IRS1: variants seen among roughly 807,000 people sequenced by gnomAD.
IRS1 encodes insulin receptor substrate 1.
In IRS1, 34 loss-of-function variants were observed where a neutral mutation model predicts 65.6. The observed-to-expected ratio is 0.52, with a 90% CI of 0.39 to 0.69. The LOEUF is 0.69. Among genes scored for constraint, IRS1 ranks in the 30% least tolerant of loss-of-function variants. The pLI is 0.00. For missense variants in IRS1, 1,641 were observed against 1,720.2 expected, an observed-to-expected ratio of 0.95 and a Z score of 0.81; for synonymous variants, 699 against 683.5, an observed-to-expected ratio of 1.02 and a Z score of -0.35.
intron 1 of IRS1, among the ~76,000 whole-genome samples, chr2:226,782,453 T>C (rs563184451): frequency 1.3e-5 from 2 of 152,332 alleles, no homozygotes; most frequent in East Asian, 3.9e-4. Context: ...TCTAGATTTA[T>C]GCTCAGGCAG....
chr2:226,747,443 C>T (rs562526228), intron 1 of IRS1, among the ~76,000 whole-genome samples: 12 of 152,094 alleles, frequency 7.9e-5, no homozygotes, highest in African/African-American at 1.7e-4. Context: ...CAGGAGGCTA[C>T]AATAAGAAGA....
chr2:226,795,408 T>G lies in IRS1; in HGVS notation c.3331A>C (p.Thr1111Pro), dbSNP rs777756375. The G allele has an allele frequency of 1.2e-6, 2 of 1,613,292 alleles. No individual in the cohort carries two copies. Among genetic ancestry groups the G allele is most frequent in the African/African-American group, 2.7e-5 (2 of 75,026 alleles). Residue 1111 changes from threonine (T) to proline (P), a missense_variant, in exon 1 of 2, where the codon ACC becomes CCC. Thr to Pro is a conservative substitution (Grantham distance 38, BLOSUM62 -1). Around this residue, in one of 3 missense-constraint regions of IRS1, gnomAD observed 1,324 missense variants for 1,361.0 expected, o/e 0.97. Coordinates refer to ENST00000305123, the MANE Select transcript of IRS1 (RefSeq NM_005544.3). ...SETFSSTPSA[T>P]RVGNTVPFGA... ...AAGGGCACTGTGTTGCCCACCCGGG[T>G]GGCACTGGGTGTTGAGGAGAAAGTC...
chr2:226,778,754 C>A (rs1249357766), intron 1 of IRS1, among the ~76,000 whole-genome samples: 1 of 152,232 alleles, frequency 6.6e-6, no homozygotes, highest in Non-Finnish European at 1.5e-5. Flanking sequence ...CCCCAGTCTT[C>A]TCTAGGGCTT....
chr2:226,742,821 C>G (rs1334593440), intron 1 of IRS1, among the ~76,000 whole-genome samples: 1 of 151,970 alleles, frequency 6.6e-6, no homozygotes, highest in Non-Finnish European at 1.5e-5. Flanking sequence ...TCCCCAGCTA[C>G]CAAAGGCAGA....
In IRS1 at chr2:226,799,329, T is replaced by C; in HGVS notation, c.-591A>G. 8.1e-7 allele frequency: 1 copy of C among 1,231,256 alleles called. No homozygotes were observed. The allele number at this position is 1,231,256 out of a possible 1,614,324, so 76.3% of individuals were successfully genotyped here. A position where few individuals can be genotyped will look rare whatever the true frequency, so the allele number is the denominator to read the frequency against. On this transcript the variant is annotated 5_prime_UTR_variant, in exon 1 of 2. The change abolishes the stop of an existing upstream ORF in the 5' untranslated region. Coordinates refer to ENST00000305123, the MANE Select transcript of IRS1 (RefSeq NM_005544.3). This position sits in a 1 kb window ranked among gnomAD's most constrained non-coding sequence, Gnocchi z 6.1. ...CGCCACCAGCCGCCCAAATACCAGC[T>C]CAGTCGCAGAGACCGCGGCGCTGCG...
At chr2:226,786,438 A>G (rs1286000250) in intron 1 of IRS1, among the ~76,000 whole-genome samples, 1 of 152,140 alleles carries the variant, frequency 6.6e-6, no homozygotes, top group Admixed American at 6.5e-5. Context: ...TGCCCCTTTA[A>G]GTGCTGAAAT....
At position 226,795,518 on chromosome 2, in the gene IRS1, C is replaced by G. The variant is rs146268112; in HGVS notation, c.3221G>C (p.Arg1074Pro). 10 of 1,613,400 alleles carry G rather than the reference C, an allele frequency of 6.2e-6. No individual in the cohort carries two copies. Among genetic ancestry groups the G allele is most frequent in the Non-Finnish European group, 8.5e-6 (10 of 1,180,030 alleles). ...QGPGGMSAFT[R>P]VNLSPNRNQS... ...GTTGCGGTTAGGACTGAGGTTCACC[C>G]GGGTGAAGGCGCTCATGCCCCCAGG... Residue 1074 changes from arginine (R) to proline (P), a missense_variant, in exon 1 of 2, where the codon CGG becomes CCG. By Grantham distance (103) the Arg-to-Pro change is moderately radical (BLOSUM62 -2). Coordinates refer to ENST00000305123, the MANE Select transcript of IRS1 (RefSeq NM_005544.3).
At chr2:226,768,848 G>A (rs910149543) in intron 1 of IRS1, among the ~76,000 whole-genome samples, 1 of 152,106 alleles carries the variant, frequency 6.6e-6, no homozygotes, top group Non-Finnish European at 1.5e-5. Context: ...TGTTGGTCAG[G>A]CTGGTCTCGA....
At chr2:226,786,676 AC>A (rs147845850) in intron 1 of IRS1, among the ~76,000 whole-genome samples, 5 of 149,928 alleles carry the variant, frequency 3.3e-5, no homozygotes, top group East Asian at 1.9e-4. Flanking sequence ...ACAAAAAAAA[AC>A]CAAAAAAAAT....
rs11900752 is a variant in IRS1, at chr2:226,794,037, T to G, written c.*21+952A>C. ...AGGGTATACAGTTTAGCCCTTCTAC[T>G]CAATGCAAAACAAAACAAATTAAGG... On this transcript the variant is annotated intron_variant, in intron 1 of 1. Coordinates refer to ENST00000305123, the MANE Select transcript of IRS1 (RefSeq NM_005544.3). The surrounding 1 kb of genome is among the most constrained non-coding windows in gnomAD (Gnocchi z 4.1). Among the ~76,000 whole-genome samples the G allele has an allele frequency of 0.059, 8,969 of 152,290 alleles. 571 individuals carry two copies. The highest frequency in any genetic ancestry group is 0.16 in the African/African-American group (6,609 of 41,522).
Position 226,796,756 on chromosome 2 carries a change from G to A in IRS1, c.1983C>T (p.Gly661=). The change falls in exon 1 of 2, where the codon GGC becomes GGT. Residue 661 remains glycine, a synonymous_variant. Coordinates refer to ENST00000305123, the MANE Select transcript of IRS1 (RefSeq NM_005544.3). ...CACCGCTGGGGGACATCATCATGTA[G>A]CCATTGGGGTCCACTCTCTGGGGAT... The part of the protein sequence containing the change: ...RRHPQRVDPN[G]YMMMSPSGGC... The A allele has an allele frequency of 1.9e-6, 3 of 1,604,826 alleles. No homozygotes were observed. Among genetic ancestry groups the A allele is most frequent in the Non-Finnish European group, 2.6e-6 (3 of 1,174,516 alleles).
chr2:226,779,636 G>A (rs757691992), intron 1 of IRS1, among the ~76,000 whole-genome samples: 1 of 152,208 alleles, frequency 6.6e-6, no homozygotes, highest in African/African-American at 2.4e-5. Context: ...AGATCTTGTG[G>A]AGTTGTGGGT....
rs754727147 is a variant in IRS1, at chr2:226,797,443, G to A, written c.1296C>T (p.Gly432=). The A allele has an allele frequency of 1.2e-6, 2 of 1,613,564 alleles. No individual in the cohort carries two copies. Among genetic ancestry groups the A allele is most frequent in the Admixed American group, 1.7e-5 (1 of 60,012 alleles). The change falls in exon 1 of 2, where the codon GGC becomes GGT. Residue 432 remains glycine, a synonymous_variant. Transcript: ENST00000305123. This position sits in a 1 kb window ranked among gnomAD's most constrained non-coding sequence, Gnocchi z 8.1. Reference sequence around the variant, plus strand: ...AACTCCGGAAATCGCAGGGACTGGAGCCATACTCATCCGAGGAGATGAAAC... The same window carrying A: ...AACTCCGGAAATCGCAGGGACTGGAACCATACTCATCCGAGGAGATGAAAC... The part of the protein sequence containing the change: ...DGGFISSDEY[G]SSPCDFRSSF...
chr2:226,795,628 G>T lies in IRS1; in HGVS notation c.3111C>A (p.Ser1037=). ...PRATMAAASS[S]SAASASPTGP... ...CAGTCGGGGAAGCAGAGGCTGCTGA[G>T]GATGAGGAGGCAGCAGCCATGGTGG... Residue 1037 remains serine (S), a synonymous_variant, in exon 1 of 2, where the codon TCC becomes TCA. Transcript: ENST00000305123. The T allele has an allele frequency of 6.2e-7, 1 of 1,612,666 alleles. No individual in the cohort carries two copies. The highest frequency in any genetic ancestry group is 8.5e-7 in the Non-Finnish European group (1 of 1,179,810).
chr2:226,755,356 G>A (rs763640432), intron 1 of IRS1, among the ~76,000 whole-genome samples: 1 of 152,116 alleles, frequency 6.6e-6, no homozygotes, highest in Non-Finnish European at 1.5e-5. Flanking sequence ...AAAACATGCT[G>A]TACTTTGAGA....
chr2:226,772,224 C>A (rs1324659906), intron 1 of IRS1, among the ~76,000 whole-genome samples: 1 of 152,118 alleles, frequency 6.6e-6, no homozygotes, highest in Non-Finnish European at 1.5e-5. Flanking sequence ...ATAACTCAAA[C>A]CATGACAAAC....
In IRS1 at chr2:226,765,127, G is replaced by A. The variant is rs76241245; in HGVS notation, c.*22-28877C>T. Among the ~76,000 whole-genome samples, 245 of 152,188 alleles carry A rather than the reference G, an allele frequency of 1.6e-3. 4 individuals carry two copies. The East Asian group carries it at 0.043, about 26-fold the overall frequency. ...ATTCATTCATTCATTCATTTGAGAT[G>A]GGGTCTTGCTATGTTGCCCAGGTTG... On this transcript the variant is annotated intron_variant, in intron 1 of 1. Coordinates refer to ENST00000305123, the MANE Select transcript of IRS1 (RefSeq NM_005544.3).
Position 226,796,587 on chromosome 2 carries a change from C to A in IRS1, c.2152G>T (p.Val718Leu). The A allele has an allele frequency of 1.2e-6, 2 of 1,614,080 alleles. No individual in the cohort carries two copies. The highest frequency in any genetic ancestry group is 1.7e-5 in the Admixed American group (1 of 60,034). Reference protein sequence around the residue: ...SHVLPHPKPPVESSGGKLLPC... With the variant: ...SHVLPHPKPPLESSGGKLLPC... Reference sequence around the variant, plus strand: ...AAGAGCTTACCACCGCTGCTCTCCACTGGGGGTTTGGGGTGAGGCAAGACA... The same window carrying A: ...AAGAGCTTACCACCGCTGCTCTCCAATGGGGGTTTGGGGTGAGGCAAGACA... The change falls in exon 1 of 2, where the codon GTG becomes TTG. Residue 718 changes from valine to leucine, a missense_variant. Val to Leu is a conservative substitution (Grantham distance 32, BLOSUM62 1). This residue lies in a region of IRS1 where 1,324 missense variants were observed against 1,361.0 expected (regional missense o/e 0.97). Coordinates refer to ENST00000305123, the MANE Select transcript of IRS1 (RefSeq NM_005544.3).
intron 1 of IRS1, among the ~76,000 whole-genome samples, chr2:226,739,815 G>A (rs928647042): frequency 2.0e-5 from 3 of 152,146 alleles, no homozygotes; most frequent in Non-Finnish European, 1.5e-5. Flanking sequence ...GCAAACATTT[G>A]CGTAACTTAA....
Sources: allele counts gnomAD v4.1 joint callset (sites outside exome capture counted in the v4.1 genomes callset), GRCh38; gene constraint gnomAD v4.1.1; regional missense constraint gnomAD v4.1.1; non-coding constraint Gnocchi (gnomAD v3.1); transcripts MANE v1.5; gene names NCBI Gene and HGNC (gene_info 2026-07-23, HGNC 2026-07-21).